Variants in LNX1 observed in about 807,000 individuals in gnomAD.
The protein encoded by LNX1 is E3 ubiquitin-protein ligase LNX.
A neutral mutation model predicts 68.4 loss-of-function variants in LNX1; 54 were observed. That is an observed-to-expected ratio of 0.79 (90% confidence interval 0.63 to 0.99). The LOEUF (loss-of-function observed/expected upper bound fraction) is 0.99, where lower values mean the gene tolerates loss of function less well. Ranked by LOEUF, LNX1 falls within the 50% of genes least tolerant of loss-of-function variation. LNX1 has a pLI of 0.00. For missense variants in LNX1, 906 were observed against 926.4 expected, an observed-to-expected ratio of 0.98 and a Z score of 0.29; for synonymous variants, 336 against 350.0, an observed-to-expected ratio of 0.96 and a Z score of 0.45.
At chr4:53,580,075 G>A (rs1731739022) in intron 1 of LNX1, among the ~76,000 whole-genome samples, 1 of 152,168 alleles carries the variant, frequency 6.6e-6, no homozygotes, top group Admixed American at 6.5e-5. Flanking sequence ...CAGACTCTGA[G>A]TCAAAAGGAA....
chr4:53,623,245 C>T (rs1376345220), intron 1 of LNX1, among the ~76,000 whole-genome samples: 2 of 150,712 alleles, frequency 1.3e-5, no homozygotes, highest in Non-Finnish European at 2.9e-5. Context: ...ACTCTGTCGC[C>T]CAGGCTGGAG....
At chr4:53,503,535 T>C (rs1409152583) in intron 4 of LNX1, among the ~76,000 whole-genome samples, 2 of 152,234 alleles carry the variant, frequency 1.3e-5, no homozygotes, top group East Asian at 1.9e-4. Context: ...TTCTGAGTAA[T>C]AGGCCTCAAC....
chr4:53,645,388 C>T (rs1734847772), intron 1 of LNX1, among the ~76,000 whole-genome samples: 1 of 152,126 alleles, frequency 6.6e-6, no homozygotes, highest in Admixed American at 6.5e-5. Flanking sequence ...CTGCTGTGGG[C>T]TGTTCTCAGC....
rs572184157 is a variant in LNX1, at chr4:53,498,654, T to C, written c.965A>G (p.Asp322Gly). The C allele has an allele frequency of 3.1e-6, 5 of 1,613,892 alleles. No homozygotes were observed. The highest frequency in any genetic ancestry group is 4.2e-6 in the Non-Finnish European group (5 of 1,179,778). Residue 322 changes from aspartate (D) to glycine (G), a missense_variant, in exon 5 of 11, where the codon GAC (aspartate) becomes GGC (glycine). Asp to Gly is a moderately conservative substitution (Grantham distance 94). Transcript: ENST00000263925. ...IARDGRLLPG[D>G]IILKVNGMDI... The stretch of plus-strand genomic sequence containing the variant: ...CACAGTCTCTACCTTTAGAATGATG[T>C]CTCCTGGCAGTAGCCGGCCGTCTCT...
chr4:53,558,826 C>G (rs1006095910), intron 2 of LNX1, among the ~76,000 whole-genome samples: 2 of 152,106 alleles, frequency 1.3e-5, no homozygotes, highest in African/African-American at 4.8e-5. Flanking sequence ...GTCACCTTAC[C>G]TTTGAAATGG....
At chr4:53,571,132 G>A (rs1318200457) in intron 2 of LNX1, among the ~76,000 whole-genome samples, 1 of 151,420 alleles carries the variant, frequency 6.6e-6, no homozygotes, top group African/African-American at 2.4e-5. Flanking sequence ...TGATTCTCAT[G>A]CCTCAGCCTC....
At chr4:53,589,802 A>T (rs1732394219) in intron 1 of LNX1, among the ~76,000 whole-genome samples, 1 of 152,222 alleles carries the variant, frequency 6.6e-6, no homozygotes. Flanking sequence ...CATTCTAGTC[A>T]ATCTGACTCT....
intron 2 of LNX1, among the ~76,000 whole-genome samples, chr4:53,508,757 G>A (rs1726108587): frequency 6.6e-6 from 1 of 152,202 alleles, no homozygotes; most frequent in Admixed American, 6.5e-5. Context: ...TCCTCTAGTG[G>A]CAGCTTGGTG....
chr4:53,571,274 C>A (rs1038659460), intron 2 of LNX1, among the ~76,000 whole-genome samples: 2 of 152,040 alleles, frequency 1.3e-5, no homozygotes, highest in African/African-American at 4.8e-5. Context: ...CCTGCCTCCG[C>A]CTCCCAAGTG....
chr4:53,558,018 G>A, intron 2 of LNX1: 2 of 1,607,064 alleles, frequency 1.2e-6, no homozygotes, highest in South Asian at 2.2e-5. Flanking sequence ...AGCTACAAGG[G>A]CCCAAACCAG....
At chr4:53,529,102 A>AAC (rs201017055) in intron 2 of LNX1, among the ~76,000 whole-genome samples, 8,591 of 138,212 alleles carry the variant, frequency 0.062, 659 homozygotes, top group African/African-American at 0.18. Context: ...AGTCCTGACC[A>AAC]ACACACACAC....
chr4:53,589,296 A>T (rs1237681910), intron 1 of LNX1, among the ~76,000 whole-genome samples: 2 of 152,198 alleles, frequency 1.3e-5, no homozygotes, highest in Non-Finnish European at 2.9e-5. Flanking sequence ...AGCGGAGACA[A>T]ATCTGCCCAC....
At position 53,564,812 on chromosome 4, in the gene LNX1, C is replaced by T. The variant is rs576214565; in HGVS notation, c.380+8811G>A. Among the ~76,000 whole-genome samples the T allele has an allele frequency of 8.5e-5, 13 of 152,310 alleles. No individual in the cohort carries two copies. The South Asian group carries it at 1.9e-3, about 22-fold the overall frequency. ...GCACCCTGCGCCAGCCGAAGCAGGG[C>T]GAGGCATTGCCTCACTTGGGAAGCG... On this transcript the variant is annotated intron_variant, in intron 2 of 10. Coordinates refer to ENST00000263925, the MANE Select transcript of LNX1 (RefSeq NM_001126328.3).
At chr4:53,575,968 C>T (rs1297078212) in intron 1 of LNX1, 7 of 1,562,514 alleles carry the variant, frequency 4.5e-6, no homozygotes, top group Non-Finnish European at 6.0e-6. Flanking sequence ...GGGTGCCCTA[C>T]TGGCAGGCAT....
chr4:53,482,563 G>A (rs1360121950), intron 6 of LNX1, among the ~76,000 whole-genome samples: 1 of 152,228 alleles, frequency 6.6e-6, no homozygotes, highest in Non-Finnish European at 1.5e-5. Flanking sequence ...CAGCAACTTG[G>A]ATGGAACTGG....
At chr4:53,477,964 T>A (rs1723672219) in intron 8 of LNX1, among the ~76,000 whole-genome samples, 1 of 152,196 alleles carries the variant, frequency 6.6e-6, no homozygotes, top group Non-Finnish European at 1.5e-5. Flanking sequence ...TCCTCACCCA[T>A]CTGAGCTACC....
upstream of LNX1, among the ~76,000 whole-genome samples, chr4:53,621,982 A>G (rs1046739545): frequency 1.3e-5 from 2 of 152,144 alleles, no homozygotes; most frequent in African/African-American, 4.8e-5. Context: ...TTTAAGCACA[A>G]ACAATTCTCA....
At chr4:53,616,904 T>C (rs1282468908) in intron 1 of LNX1, among the ~76,000 whole-genome samples, 1 of 152,186 alleles carries the variant, frequency 6.6e-6, no homozygotes, top group Non-Finnish European at 1.5e-5. Flanking sequence ...ATGTTTAAAC[T>C]AAGAAGTATT....
chr4:53,590,647 A>G (rs1190967876), intron 1 of LNX1, among the ~76,000 whole-genome samples: 3 of 152,240 alleles, frequency 2.0e-5, no homozygotes, highest in Admixed American at 2.0e-4. Flanking sequence ...AGAAAAAGCC[A>G]AAGAGGTCCA....
Sources: allele counts gnomAD v4.1 joint callset (sites outside exome capture counted in the v4.1 genomes callset), GRCh38; gene constraint gnomAD v4.1.1; transcripts MANE v1.5; gene names NCBI Gene and HGNC (gene_info 2026-07-23, HGNC 2026-07-21).